Variants in LMBRD1 observed in about 807,000 individuals in gnomAD.
LMBRD1 encodes LMBR1 domain containing 1, also known as lysosomal cobalamin transport escort protein LMBD1.
A neutral mutation model predicts 74.8 loss-of-function variants in LMBRD1; 64 were observed. The ratio of observed to expected loss-of-function variants is 0.86; its 90% CI spans 0.70 to 1.05. The LOEUF (loss-of-function observed/expected upper bound fraction) is 1.05. Among genes scored for constraint, LMBRD1 ranks in the 50% least tolerant of loss-of-function variants. The pLI is 0.00. For missense variants in LMBRD1, 652 were observed against 645.9 expected (o/e 1.01, Z -0.10); for synonymous variants, 204 against 216.3 (o/e 0.94, Z 0.50).
At chr6:69,713,059 A>G (rs906673524) in intron 9 of LMBRD1, among the ~76,000 whole-genome samples, 1 of 152,176 alleles carries the variant, frequency 6.6e-6, no homozygotes, top group Admixed American at 6.6e-5. Context: ...AGGAAACACC[A>G]GTATGGTAAA....
At chr6:69,680,571 A>C (rs1451253922) in intron 14 of LMBRD1, among the ~76,000 whole-genome samples, 1 of 152,030 alleles carries the variant, frequency 6.6e-6, no homozygotes, top group African/African-American at 2.4e-5. Flanking sequence ...TGATCACATT[A>C]TTTTACATGT....
chr6:69,738,102 C>T, intron 6 of LMBRD1, 87 bp from the exon 7 acceptor site: 4 of 928,714 alleles, frequency 4.3e-6, no homozygotes, highest in Non-Finnish European at 6.8e-6. Context: ...AGCTGAGCTG[C>T]TTACACATTT....
At chr6:69,730,565 C>T (rs1200108700) in intron 7 of LMBRD1, among the ~76,000 whole-genome samples, 1 of 152,090 alleles carries the variant, frequency 6.6e-6, no homozygotes, top group Non-Finnish European at 1.5e-5. Context: ...ATAGTTGTCG[C>T]TACATGCACA....
intron 14 of LMBRD1, among the ~76,000 whole-genome samples, chr6:69,677,317 G>T (rs1765568292): frequency 6.6e-6 from 1 of 152,126 alleles, no homozygotes; most frequent in Admixed American, 6.6e-5. Flanking sequence ...TGGAATGAGG[G>T]TCTTATGACC....
intron 7 of LMBRD1, among the ~76,000 whole-genome samples, chr6:69,721,435 C>G (rs1173887513): frequency 1.3e-5 from 2 of 152,180 alleles, no homozygotes; most frequent in South Asian, 4.1e-4. Flanking sequence ...GTCAGGCCCC[C>G]ATTCCAGGGC....
chr6:69,682,733 A>C (rs1457493), intron 14 of LMBRD1, among the ~76,000 whole-genome samples: 54,641 of 151,744 alleles, frequency 0.36, 10,416 homozygotes, highest in East Asian at 0.54. Context: ...TTAAACGGAT[A>C]TACTAGAAAA....
chr6:69,793,335 T>C (rs1454015983), intron 1 of LMBRD1, among the ~76,000 whole-genome samples: 1 of 152,200 alleles, frequency 6.6e-6, no homozygotes, highest in East Asian at 1.9e-4. Context: ...AGATGAATCT[T>C]CATTAAACTA....
chr6:69,712,522 C>T (rs1479375575), intron 9 of LMBRD1, among the ~76,000 whole-genome samples: 3 of 151,396 alleles, frequency 2.0e-5, no homozygotes, highest in Non-Finnish European at 4.4e-5. Flanking sequence ...AAATGTCACA[C>T]ATACATAATT....
chr6:69,694,939 G>A lies in LMBRD1; in HGVS notation c.1417+2624C>T, dbSNP rs149709432. Among the ~76,000 whole-genome samples, 217 of 152,100 alleles carry A rather than the reference G, an allele frequency of 1.4e-3. 1 individual carries two copies. The highest frequency in any genetic ancestry group is 4.4e-3 in the African/African-American group (181 of 41,502). On this transcript the variant is annotated intron_variant, in intron 14 of 15. Coordinates refer to ENST00000649934, the MANE Select transcript of LMBRD1 (RefSeq NM_018368.4). ...TCATCAACTGTCTACCCCACAGCCC[G>A]CTTAATTCTCAGTATATGTCCTGAG...
chr6:69,674,263 A>C lies in LMBRD1; in HGVS notation c.*1895T>G, dbSNP rs1363885136. On this transcript the variant is annotated 3_prime_UTR_variant, in exon 16 of 16. Coordinates refer to ENST00000649934, the MANE Select transcript of LMBRD1 (RefSeq NM_018368.4). ...CTCATTTTACTTTAATTACTTTTAA[A>C]AGGCCCTATCTCCACATAAAGTATT... is the stretch of plus-strand genomic sequence containing the variant. Among the ~76,000 whole-genome samples, 4 of 152,228 alleles carry C rather than the reference A, an allele frequency of 2.6e-5. No individual in the cohort carries two copies. The highest frequency in any genetic ancestry group is 6.5e-5 in the Admixed American group (1 of 15,268).
chr6:69,707,721 T>C (rs866040564), intron 9 of LMBRD1, among the ~76,000 whole-genome samples: 2 of 152,202 alleles, frequency 1.3e-5, no homozygotes, highest in Non-Finnish European at 2.9e-5. Context: ...CTCAATAATA[T>C]CTTACTGTTA....
In LMBRD1 at chr6:69,787,187, G is replaced by T. The variant is rs1200587881; in HGVS notation, c.246+3109C>A. ...ATCTTTCACTAGGCACCTGAATTCA[G>T]TAATAACTTTAGGAAAAACTACTGT... On this transcript the variant is annotated intron_variant, in intron 2 of 15. Transcript: ENST00000649934. Among the ~76,000 whole-genome samples, 10 of 152,122 alleles carry T rather than the reference G, an allele frequency of 6.6e-5. No individual in the cohort carries two copies. In the South Asian group the frequency reaches 2.1e-3, roughly 31 times the overall value.
At chr6:69,793,195 T>C (rs562494726) in intron 1 of LMBRD1, among the ~76,000 whole-genome samples, 49 of 152,304 alleles carry the variant, frequency 3.2e-4, no homozygotes, top group African/African-American at 1.0e-3. Context: ...AAGTTTCAAA[T>C]AGTCCCCCCA....
chr6:69,783,729 ACTAT>A (rs1765887172), intron 2 of LMBRD1, among the ~76,000 whole-genome samples: 1 of 152,242 alleles, frequency 6.6e-6, no homozygotes, highest in East Asian at 1.9e-4. Context: ...AATAATAACA[ACTAT>A]CTTTTTTTTA....
chr6:69,697,580 T>A lies in LMBRD1; in HGVS notation c.1400A>T (p.Asp467Val). 6.2e-7 allele frequency: 1 copy of A among 1,605,382 alleles called. No individual in the cohort carries two copies. Among genetic ancestry groups the A allele is most frequent in the Non-Finnish European group, 8.5e-7 (1 of 1,172,790 alleles). ...NSTLSVPKRC[D>V]ADAPEDQCTV... ...GTTTTTACCTTCAGGAGCATCTGCA[T>A]CACATCTCTTTGGCACAGAAAGGGT... The change falls in exon 14 of 16, where the codon GAT (aspartate) becomes GTT (valine). Residue 467 changes from aspartate (D) to valine (V), a missense_variant. Around this residue, in one of 3 missense-constraint regions of LMBRD1, gnomAD observed 598 missense variants for 581.8 expected, o/e 1.03. Coordinates refer to ENST00000649934, the MANE Select transcript of LMBRD1 (RefSeq NM_018368.4).
At chr6:69,719,890 T>C (rs938403738) in intron 7 of LMBRD1, among the ~76,000 whole-genome samples, 2 of 152,130 alleles carry the variant, frequency 1.3e-5, no homozygotes, top group Admixed American at 6.6e-5. Flanking sequence ...CCCTGTTAGA[T>C]GGGCCATGAG....
At chr6:69,734,356 G>A (rs1290613415) in intron 7 of LMBRD1, among the ~76,000 whole-genome samples, 1 of 151,558 alleles carries the variant, frequency 6.6e-6, no homozygotes, top group Non-Finnish European at 1.5e-5. Context: ...ATGGATTCTT[G>A]GAAACTGGGA....
intron 9 of LMBRD1, among the ~76,000 whole-genome samples, chr6:69,710,602 T>G (rs1766361745): frequency 6.6e-6 from 1 of 152,014 alleles, no homozygotes; most frequent in South Asian, 2.1e-4. Flanking sequence ...AAGTGCTAGA[T>G]CCAGACTATA....
At chr6:69,689,902 T>A (rs931881502) in intron 14 of LMBRD1, among the ~76,000 whole-genome samples, 3 of 151,948 alleles carry the variant, frequency 2.0e-5, no homozygotes, top group Admixed American at 2.0e-4. Flanking sequence ...AGCAGTAAAT[T>A]TACAATAGTT....
Sources: allele counts gnomAD v4.1 joint callset (sites outside exome capture counted in the v4.1 genomes callset), GRCh38; gene constraint gnomAD v4.1.1; regional missense constraint gnomAD v4.1.1; transcripts MANE v1.5; gene names NCBI Gene and HGNC (gene_info 2026-07-23, HGNC 2026-07-21).